Variants in ADGRL3 observed in about 807,000 individuals in gnomAD.
The protein encoded by ADGRL3 is adhesion G protein-coupled receptor L3.
A neutral mutation model predicts 153.5 loss-of-function variants in ADGRL3; 62 were observed. The ratio of observed to expected loss-of-function variants is 0.40; its 90% CI spans 0.33 to 0.50. The LOEUF (loss-of-function observed/expected upper bound fraction) is 0.50, where lower values mean the gene tolerates loss of function less well. Ranked by LOEUF, ADGRL3 falls within the 20% of genes least tolerant of loss-of-function variation. The pLI is 0.47. For missense variants in ADGRL3, 1,641 were observed against 1,859.4 expected, an observed-to-expected ratio of 0.88 and a Z score of 2.16; for synonymous variants, 710 against 672.5, an observed-to-expected ratio of 1.06 and a Z score of -0.86.
intron 2 of ADGRL3, among the ~76,000 whole-genome samples, chr4:61,389,335 C>A (rs2096776354): frequency 6.6e-6 from 1 of 152,164 alleles, no homozygotes; most frequent in South Asian, 2.1e-4. Context: ...GAATGAGTCG[C>A]AGGTTTGAAA....
At chr4:61,456,417 ATATATCTATATC>A (rs1348906857) in intron 2 of ADGRL3, among the ~76,000 whole-genome samples, 1 of 58,954 alleles carries the variant, frequency 1.7e-5, no homozygotes, top group Non-Finnish European at 4.0e-5. Flanking sequence ...ATATATATAG[ATATATCTATATC>A]TATATATATA....
intron 2 of ADGRL3, among the ~76,000 whole-genome samples, chr4:61,461,416 G>A (rs376918558): frequency 6.6e-6 from 1 of 152,130 alleles, no homozygotes; most frequent in African/African-American, 2.4e-5. Context: ...TGTTTGAGGT[G>A]ATGGATGTCC....
intron 1 of ADGRL3, among the ~76,000 whole-genome samples, chr4:61,248,297 A>G (rs1026662111): frequency 4.6e-5 from 7 of 152,126 alleles, no homozygotes; most frequent in Non-Finnish European, 8.8e-5. Context: ...ATGACTAAGC[A>G]TGCCCTAAAT....
At chr4:61,966,878 G>T (rs1175938596) in intron 17 of ADGRL3, among the ~76,000 whole-genome samples, 1 of 151,930 alleles carries the variant, frequency 6.6e-6, no homozygotes, top group Non-Finnish European at 1.5e-5. Flanking sequence ...GTAAATCTGG[G>T]GCCACCTATA....
chr4:61,657,172 T>G (rs942382897), intron 5 of ADGRL3, among the ~76,000 whole-genome samples: 1 of 152,184 alleles, frequency 6.6e-6, no homozygotes, highest in Non-Finnish European at 1.5e-5. Flanking sequence ...CCCCATCATT[T>G]TTATATAACT....
chr4:61,746,112 G>C (rs1268400526), intron 8 of ADGRL3, among the ~76,000 whole-genome samples: 1 of 152,080 alleles, frequency 6.6e-6, no homozygotes. Flanking sequence ...GACAAAGAAG[G>C]CCATTAAATA....
chr4:61,933,425 A>G (rs576851366), intron 13 of ADGRL3, among the ~76,000 whole-genome samples: 213 of 152,234 alleles, frequency 1.4e-3, no homozygotes, highest in African/African-American at 5.0e-3. Flanking sequence ...CACGCTTTAC[A>G]CCAAGAACAA....
chr4:61,848,943 C>T (rs2098169287), intron 9 of ADGRL3, among the ~76,000 whole-genome samples: 1 of 152,140 alleles, frequency 6.6e-6, no homozygotes, highest in Admixed American at 6.5e-5. Flanking sequence ...CCATTCAGCT[C>T]TCTGTCCATA....
At chr4:61,741,482 T>C (rs1247676921) in intron 8 of ADGRL3, among the ~76,000 whole-genome samples, 2 of 152,230 alleles carry the variant, frequency 1.3e-5, no homozygotes, top group African/African-American at 4.8e-5. Flanking sequence ...CCAGTGCTGC[T>C]TCTTTGCTTG....
rs560390078 is a variant in ADGRL3 at position 61,294,934 on chromosome 4, C to G, written c.-239-88190C>G. 6.3e-3 allele frequency among the ~76,000 whole-genome samples: 913 copies of G among 144,780 alleles called. 8 individuals are homozygous for G. Among genetic ancestry groups the G allele is most frequent in the African/African-American group, 8.2e-3 (318 of 38,996 alleles). The allele number at this position is 144,780 out of a possible 152,430, so 95.0% of individuals were successfully genotyped here. ...ACACACACACACACACACACACACA[C>G]AGTAGTCCCCATTATTCGCGGTTTC... On this transcript the variant is annotated intron_variant, in intron 1 of 26. Transcript: ENST00000683033.
In ADGRL3 at chr4:62,044,462, C is replaced by T. The variant is rs1222861886; in HGVS notation, c.3727C>T (p.Arg1243Cys). ...RYSTGSQSRI[R>C]RMWNDTVRKQ... ...CTTTTCCCCCACCCAGAGCCGAATC[C>T]GTAGAATGTGGAATGACACGGTTCG... Residue 1243 changes from arginine (R) to cysteine (C), a missense_variant, in exon 25 of 27, where the codon CGT (arginine) becomes TGT (cysteine). Transcript: ENST00000683033. 4 of 1,587,856 alleles carry T rather than the reference C, an allele frequency of 2.5e-6. No homozygotes were observed. The highest frequency in any genetic ancestry group is 2.3e-5 in the East Asian group (1 of 43,550).
chr4:61,984,293 T>G (rs1354842623), intron 19 of ADGRL3, among the ~76,000 whole-genome samples: 1 of 152,064 alleles, frequency 6.6e-6, no homozygotes, highest in Admixed American at 6.6e-5. Context: ...TATTTAGAAC[T>G]AGACCCAGGA....
Position 61,947,132 on chromosome 4 carries a change from T to C in ADGRL3, c.2628+10T>C, listed in dbSNP as rs1287272197. Reference sequence around the variant, plus strand: ...TGTTAAACATATCAAGGTAAGAAAATGGCATATTAGCTTGGTTGTTCATAT... The same window carrying C: ...TGTTAAACATATCAAGGTAAGAAAACGGCATATTAGCTTGGTTGTTCATAT... On this transcript the variant is annotated intron_variant, in intron 16 of 26. Transcript: ENST00000683033. 6.2e-7 allele frequency: 1 copy of C among 1,601,086 alleles called. No individual in the cohort carries two copies. Among genetic ancestry groups the C allele is most frequent in the Non-Finnish European group, 8.6e-7 (1 of 1,168,372 alleles).
intron 5 of ADGRL3, among the ~76,000 whole-genome samples, chr4:61,656,827 C>A (rs2150493157): frequency 6.6e-6 from 1 of 152,244 alleles, no homozygotes; most frequent in East Asian, 1.9e-4. Flanking sequence ...TTGTTCATGT[C>A]AATTTAAACA....
Position 61,856,880 on chromosome 4 carries a change from G to A in ADGRL3, c.1481-35776G>A, listed in dbSNP as rs972084896. Among the ~76,000 whole-genome samples, 34 of 149,958 alleles carry A rather than the reference G, an allele frequency of 2.3e-4. 1 individual carries two copies. The highest frequency in any genetic ancestry group is 6.4e-4 in the African/African-American group (26 of 40,816). On this transcript the variant is annotated intron_variant, in intron 9 of 26. Coordinates refer to ENST00000683033, the MANE Select transcript of ADGRL3 (RefSeq NM_001387552.1). ...CTCCCAAAATGCTGGGATTACAGGC[G>A]TGAGCCAGGGAGCTCAGCCTGCCTG...
At chr4:61,406,789 G>C (rs977020742) in intron 2 of ADGRL3, among the ~76,000 whole-genome samples, 9 of 151,908 alleles carry the variant, frequency 5.9e-5, no homozygotes, top group Admixed American at 1.3e-4. Context: ...AGCATGCCAG[G>C]TTGGTAAAAA....
rs749868135 is a variant in ADGRL3, at chr4:62,037,810, A to G, written c.3671A>G (p.Lys1224Arg). The change falls in exon 24 of 27, where the codon AAA becomes AGA. Residue 1224 changes from lysine to arginine, a missense_variant. Lys to Arg is a conservative substitution (Grantham distance 26). Transcript: ENST00000683033. ...ACAGAGAGTTCCATTGGTTCAGGGA[A>G]AACATCTGGTTCTCGAACTCCTGGA... ...KSTESSIGSG[K>R]TSGSRTPGRY... 3.7e-6 allele frequency: 6 copies of G among 1,613,628 alleles called. No homozygotes were observed. In the South Asian group the frequency reaches 5.5e-5, roughly 15 times the overall value.
Position 61,732,751 on chromosome 4 carries a change from C to A in ADGRL3, c.599-3C>A. The A allele has an allele frequency of 6.8e-7, 1 of 1,479,568 alleles. No individual in the cohort carries two copies. The highest frequency in any genetic ancestry group is 9.0e-7 in the Non-Finnish European group (1 of 1,106,650). The allele number at this position is 1,479,568 out of a possible 1,614,324, so 91.7% of individuals were successfully genotyped here. On this transcript the variant is annotated splice_polypyrimidine_tract_variant and splice_region_variant and intron_variant, in intron 7 of 26. Transcript: ENST00000683033. Reference sequence around the variant, plus strand: ...TTTATTTTAACTGTTTCCCTTCCAACAGTTTTTCTTTGTCCTGGACTACTA... The same window carrying A: ...TTTATTTTAACTGTTTCCCTTCCAAAAGTTTTTCTTTGTCCTGGACTACTA...
chr4:61,536,266 C>A (rs945811358), intron 4 of ADGRL3, among the ~76,000 whole-genome samples: 1 of 151,872 alleles, frequency 6.6e-6, no homozygotes, highest in African/African-American at 2.4e-5. Context: ...TATTTCAATT[C>A]TTTCGAGTTT....
Sources: allele counts gnomAD v4.1 joint callset (sites outside exome capture counted in the v4.1 genomes callset), GRCh38; gene constraint gnomAD v4.1.1; transcripts MANE v1.5; gene names NCBI Gene and HGNC (gene_info 2026-07-23, HGNC 2026-07-21).